Variants in PRDM12 observed in about 807,000 individuals in gnomAD.
PRDM12 encodes the protein PR/SET domain 12.
A neutral mutation model predicts 29.6 loss-of-function variants in PRDM12; 17 were observed. That is an observed-to-expected ratio of 0.57 (90% CI 0.39 to 0.86). The LOEUF (loss-of-function observed/expected upper bound fraction) is 0.86, where lower values mean the gene tolerates loss of function less well. PRDM12 is among the 40% of genes least tolerant of loss of function. The pLI is 0.00. For missense variants in PRDM12, 422 were observed against 510.8 expected, an observed-to-expected ratio of 0.83 and a Z score of 1.68; for synonymous variants, 231 against 225.8, an observed-to-expected ratio of 1.02 and a Z score of -0.21.
chr9:130,664,961 GA>G lies in PRDM12; in HGVS notation c.223+86del. The G allele has an allele frequency of 7.4e-7, 1 of 1,348,024 alleles. No homozygotes were observed. The highest frequency in any genetic ancestry group is 9.9e-7 in the Non-Finnish European group (1 of 1,005,158). The allele number at this position is 1,348,024 out of a possible 1,614,324, so 83.5% of individuals were successfully genotyped here. On this transcript the variant is annotated intron_variant, in intron 1 of 4. Transcript: ENST00000253008. This position sits in a 1 kb window ranked among gnomAD's most constrained non-coding sequence, Gnocchi z 6.4. ...CTGGCGATGCGCGAGACGCGGCTGG[GA>G]TACCCGGCCTCGCTGCTACTCGCGC...
Position 130,668,554 on chromosome 9 carries a change from A to T in PRDM12, c.570+241A>T, listed in dbSNP as rs889928674. 2.6e-5 allele frequency among the ~76,000 whole-genome samples: 4 copies of T among 152,200 alleles called. No individual in the cohort carries two copies. Among genetic ancestry groups the T allele is most frequent in the Non-Finnish European group, 5.9e-5 (4 of 68,032 alleles). ...CAGATCAGAAATGATGGAGCTCTCAACTTGACGGCATTGGGAATGTCACGA... is the reference window on the plus strand; with the variant it reads ...CAGATCAGAAATGATGGAGCTCTCATCTTGACGGCATTGGGAATGTCACGA... On this transcript the variant is annotated intron_variant, in intron 3 of 4. Transcript: ENST00000253008. The surrounding 1 kb of genome is among the most constrained non-coding windows in gnomAD (Gnocchi z 4.0).
chr9:130,664,957 C>A lies in PRDM12; in HGVS notation c.223+81C>A. 7.4e-7 allele frequency: 1 copy of A among 1,358,332 alleles called. No individual in the cohort carries two copies. Among genetic ancestry groups the A allele is most frequent in the Non-Finnish European group, 9.9e-7 (1 of 1,014,190 alleles). 84.1% of individuals were successfully genotyped at this position (1,358,332 alleles called of 1,614,324 possible). On this transcript the variant is annotated intron_variant, in intron 1 of 4. Transcript: ENST00000253008. The surrounding 1 kb of genome is among the most constrained non-coding windows in gnomAD (Gnocchi z 6.4). ...CGTCCTGGCGATGCGCGAGACGCGGCTGGGATACCCGGCCTCGCTGCTACT... is the reference window on the plus strand; with the variant it reads ...CGTCCTGGCGATGCGCGAGACGCGGATGGGATACCCGGCCTCGCTGCTACT...
At chr9:130,672,436 G>A (rs987993460) in intron 3 of PRDM12, among the ~76,000 whole-genome samples, 3 of 152,124 alleles carry the variant, frequency 2.0e-5, no homozygotes, top group East Asian at 1.9e-4. Context: ...CGATCTGCCC[G>A]CCTCGGCCTC....
chr9:130,664,866 C>G lies in PRDM12; in HGVS notation c.213C>G (p.Ser71=). ...TCACCGCCGAGGTGCTGGCGCAGTC[C>G]TTCTCCGGCGGTGAGTCCAGCCGTC... ...TAFTAEVLAQ[S]FSGEVQKLSS... The change falls in exon 1 of 5, where the codon TCC becomes TCG. Residue 71 remains serine, a synonymous_variant. Transcript: ENST00000253008. This position sits in a 1 kb window ranked among gnomAD's most constrained non-coding sequence, Gnocchi z 6.4. The G allele has an allele frequency of 6.5e-7, 1 of 1,539,416 alleles. No individual in the cohort carries two copies.
Position 130,676,643 on chromosome 9 carries a change from G to C in PRDM12, c.571-1886G>C, listed in dbSNP as rs535064976. Reference sequence around the variant, plus strand: ...GTGAATGAGCAGAGAGGTCACCAGGGATCTCGCTGTGGTGCCACATTCTAA... The same window carrying C: ...GTGAATGAGCAGAGAGGTCACCAGGCATCTCGCTGTGGTGCCACATTCTAA... On this transcript the variant is annotated intron_variant, in intron 3 of 4. Coordinates refer to ENST00000253008, the MANE Select transcript of PRDM12 (RefSeq NM_021619.3). 1.3e-3 allele frequency among the ~76,000 whole-genome samples: 192 copies of C among 152,336 alleles called. 1 individual carries two copies. Among genetic ancestry groups the C allele is most frequent in the African/African-American group, 4.3e-3 (179 of 41,570 alleles).
chr9:130,670,565 G>C (rs920799422), intron 3 of PRDM12, among the ~76,000 whole-genome samples: 1 of 152,172 alleles, frequency 6.6e-6, no homozygotes, highest in East Asian at 1.9e-4. Flanking sequence ...CAGGACAGAG[G>C]TGGCTCCTTG....
chr9:130,665,714 C>G (rs919617957), intron 1 of PRDM12, among the ~76,000 whole-genome samples: 6 of 152,222 alleles, frequency 3.9e-5, no homozygotes, highest in African/African-American at 1.4e-4. Flanking sequence ...AATGCGATCA[C>G]TTTAACAGCG....
intron 3 of PRDM12, among the ~76,000 whole-genome samples, chr9:130,677,902 A>G (rs961354610): frequency 4.0e-5 from 6 of 151,814 alleles, no homozygotes; most frequent in African/African-American, 1.5e-4. Context: ...GGTGAACTGG[A>G]CTCTGTGTAA....
At position 130,682,200 on chromosome 9, in the gene PRDM12, C is replaced by T. The variant is rs12350419; in HGVS notation, c.*531C>T. ...CTGGTGTCCTGAAGTGTCGGGAGTC[C>T]TTACGCAACCTTGACATGTGCGGGC... is the stretch of plus-strand genomic sequence containing the variant. On this transcript the variant is annotated 3_prime_UTR_variant, in exon 5 of 5. Transcript: ENST00000253008. The surrounding 1 kb of genome is among the most constrained non-coding windows in gnomAD (Gnocchi z 4.2). The T allele has an allele frequency of 0.24, 35,990 of 152,120 alleles. 4,963 individuals are homozygous for T. Among genetic ancestry groups the T allele is most frequent in the East Asian group, 0.53 (2,693 of 5,128 alleles). 9.4% of individuals were successfully genotyped at this position (152,120 alleles called of 1,614,324 possible).
At position 130,664,626 on chromosome 9, in the gene PRDM12, C is replaced by G. The variant is rs1158255846; in HGVS notation, c.-28C>G. 2 of 1,508,644 alleles carry G rather than the reference C, an allele frequency of 1.3e-6. No individual in the cohort carries two copies. The highest frequency in any genetic ancestry group is 1.8e-6 in the Non-Finnish European group (2 of 1,133,216). The allele number at this position is 1,508,644 out of a possible 1,614,324, so 93.5% of individuals were successfully genotyped here. ...ACCTCCCCCGTCGGCCCGGCCGTCC[C>G]CCGGCGCCGGGGAGCTCCGGGCCGC... On this transcript the variant is annotated 5_prime_UTR_variant, in exon 1 of 5. Transcript: ENST00000253008. This position sits in a 1 kb window ranked among gnomAD's most constrained non-coding sequence, Gnocchi z 6.4.
At chr9:130,665,170 C>T (rs1414490374) in intron 1 of PRDM12, among the ~76,000 whole-genome samples, 2 of 152,208 alleles carry the variant, frequency 1.3e-5, no homozygotes, top group African/African-American at 4.8e-5. Flanking sequence ...TGGCGGGTTC[C>T]CGGCATTTAC....
At chr9:130,671,747 G>A (rs1830791078) in intron 3 of PRDM12, among the ~76,000 whole-genome samples, 1 of 152,156 alleles carries the variant, frequency 6.6e-6, no homozygotes, top group Admixed American at 6.6e-5. Context: ...GGATGACTTG[G>A]GAATCAATTG....
Position 130,666,655 on chromosome 9 carries a change from G to A in PRDM12, c.271G>A (p.Ala91Thr). 6.2e-7 allele frequency: 1 copy of A among 1,613,274 alleles called. No homozygotes were observed. The highest frequency in any genetic ancestry group is 8.5e-7 in the Non-Finnish European group (1 of 1,179,764). ...SLVLPAEVII[A>T]QSSIPGEGLG... ...GGTGCTGCCTGCGGAGGTGATCATCGCTCAGAGCTCCATCCCTGGCGAGGG... is the reference window on the plus strand; with the variant it reads ...GGTGCTGCCTGCGGAGGTGATCATCACTCAGAGCTCCATCCCTGGCGAGGG... Residue 91 changes from alanine (A) to threonine (T), a missense_variant, in exon 2 of 5, where the codon GCT (alanine) becomes ACT (threonine). Ala to Thr is a moderately conservative substitution (Grantham distance 58, BLOSUM62 0). Around this residue, in one of 5 missense-constraint regions of PRDM12, gnomAD observed 300 missense variants for 350.0 expected, o/e 0.86. Coordinates refer to ENST00000253008, the MANE Select transcript of PRDM12 (RefSeq NM_021619.3).
Position 130,681,663 on chromosome 9 carries a change from G to T in PRDM12, c.1098G>T (p.Val366=). The T allele has an allele frequency of 1.0e-6, 1 of 979,016 alleles. No homozygotes were observed. Among genetic ancestry groups the T allele is most frequent in the Non-Finnish European group, 1.2e-6 (1 of 826,850 alleles). 60.6% of individuals were successfully genotyped at this position (979,016 alleles called of 1,614,324 possible). ...CCGCGCACCACCTGCCGGCCATGGT[G>T]CTGTGAGCGCGCCCGCGCCCCCGCC... ...AAAAHHLPAM[V]L is the part of the protein sequence containing the mutation. The change falls in exon 5 of 5, where the codon GTG becomes GTT. Residue 366 remains valine (V), a synonymous_variant. Transcript: ENST00000253008. This position sits in a 1 kb window ranked among gnomAD's most constrained non-coding sequence, Gnocchi z 8.1.
intron 3 of PRDM12, among the ~76,000 whole-genome samples, chr9:130,670,510 C>T (rs555368880): frequency 2.6e-5 from 4 of 152,236 alleles, no homozygotes; most frequent in South Asian, 2.1e-4. Context: ...TGAGGTAAGA[C>T]GGCCGTGGGG....
intron 3 of PRDM12, among the ~76,000 whole-genome samples, chr9:130,672,293 C>A (rs1009860832): frequency 2.6e-5 from 4 of 152,104 alleles, no homozygotes; most frequent in African/African-American, 9.7e-5. Flanking sequence ...CCCCTGCCTC[C>A]CAGATTCAAG....
At chr9:130,674,198 AGAGACAGG>A (rs1300071063) in intron 3 of PRDM12, among the ~76,000 whole-genome samples, 13 of 151,406 alleles carry the variant, frequency 8.6e-5, no homozygotes, top group Non-Finnish European at 1.6e-4. Flanking sequence ...TATTTTTAGT[AGAGACAGG>A]GTTTCACTAT....
In PRDM12 at chr9:130,668,110, A is replaced by C. The variant is rs1306609141; in HGVS notation, c.415-48A>C. On this transcript the variant is annotated intron_variant, in intron 2 of 4. Transcript: ENST00000253008. This position sits in a 1 kb window ranked among gnomAD's most constrained non-coding sequence, Gnocchi z 4.0. ...TGTGGATGTGCCTGGAAGATGGTAC[A>C]CATGGCATAGCCCTGCCTTACCTGG... The C allele has an allele frequency of 6.2e-7, 1 of 1,603,106 alleles. No individual in the cohort carries two copies. The highest frequency in any genetic ancestry group is 1.3e-5 in the African/African-American group (1 of 74,680).
intron 3 of PRDM12, among the ~76,000 whole-genome samples, chr9:130,671,668 G>A (rs551441027): frequency 2.0e-5 from 3 of 152,272 alleles, no homozygotes; most frequent in African/African-American, 4.8e-5. Context: ...AGATGAGGCC[G>A]AGGCCCAGAG....
Sources: gnomAD v4.1 joint callset for allele counts (sites outside exome capture counted in the v4.1 genomes callset) on GRCh38, gnomAD v4.1.1 for gene constraint, gnomAD v4.1.1 regional missense constraint, Gnocchi (gnomAD v3.1) non-coding constraint, MANE v1.5 for transcripts, NCBI Gene and HGNC (gene_info 2026-07-23, HGNC 2026-07-21) for gene names.